The following ZNF385B variants were observed in gnomAD, a reference collection of about 807,000 sequenced individuals.
The protein encoded by ZNF385B is zinc finger protein 533.
In ZNF385B, 23 loss-of-function variants were observed where a neutral mutation model predicts 39.2. The ratio of observed to expected loss-of-function variants is 0.59; its 90% confidence interval spans 0.42 to 0.83. ZNF385B has a LOEUF of 0.83. ZNF385B is among the 40% of genes least tolerant of loss of function. The pLI, the probability that ZNF385B is intolerant of heterozygous loss-of-function variation, is 0.00. For missense variants in ZNF385B, 552 were observed against 598.9 expected, an observed-to-expected ratio of 0.92 and a Z score of 0.82; for synonymous variants, 205 against 222.6, an observed-to-expected ratio of 0.92 and a Z score of 0.70.
At chr2:179,584,597 G>A (rs1439548201) in intron 3 of ZNF385B, among the ~76,000 whole-genome samples, 3 of 152,132 alleles carry the variant, frequency 2.0e-5, no homozygotes, top group African/African-American at 7.2e-5. Flanking sequence ...GAGGACTAAA[G>A]GTGGCTTAGA....
At chr2:179,632,662 AC>A (rs1024578833) in intron 3 of ZNF385B, among the ~76,000 whole-genome samples, 25 of 152,190 alleles carry the variant, frequency 1.6e-4, no homozygotes, top group African/African-American at 5.5e-4. Context: ...AAGAGCAAAC[AC>A]ATTCAAAAGC....
chr2:179,758,027 C>A (rs989346134), intron 3 of ZNF385B, among the ~76,000 whole-genome samples: 1 of 152,196 alleles, frequency 6.6e-6, no homozygotes, highest in African/African-American at 2.4e-5. Flanking sequence ...GTTGGAAATG[C>A]AGAAATCACC....
At chr2:179,789,069 A>C (rs540656631) in intron 1 of ZNF385B, among the ~76,000 whole-genome samples, 2 of 152,268 alleles carry the variant, frequency 1.3e-5, no homozygotes, top group South Asian at 4.1e-4. Flanking sequence ...CACTGCCTCT[A>C]ATGTTACATT....
intron 4 of ZNF385B, among the ~76,000 whole-genome samples, chr2:179,523,968 A>C (rs1365094543): frequency 6.6e-6 from 1 of 151,586 alleles, no homozygotes; most frequent in Non-Finnish European, 1.5e-5. Flanking sequence ...TTAAATTTTT[A>C]TTTATTTATT....
intron 6 of ZNF385B, among the ~76,000 whole-genome samples, chr2:179,447,458 A>C (rs1200835105): frequency 1.3e-5 from 2 of 152,214 alleles, no homozygotes; most frequent in African/African-American, 4.8e-5. Flanking sequence ...ACATTTTGGC[A>C]GTTTGATCAT....
chr2:179,670,174 C>A (rs1279512294), intron 3 of ZNF385B, among the ~76,000 whole-genome samples: 1 of 151,904 alleles, frequency 6.6e-6, no homozygotes, highest in Non-Finnish European at 1.5e-5. Flanking sequence ...CGCCTGTAGT[C>A]CCAGCTACTC....
chr2:179,566,918 T>TC (rs1371239694), intron 3 of ZNF385B, among the ~76,000 whole-genome samples: 10 of 147,906 alleles, frequency 6.8e-5, no homozygotes, highest in Non-Finnish European at 1.1e-4. Context: ...TCTTTTCTTT[T>TC]TTTTTTTTTT....
chr2:179,520,593 C>T (rs1284088538), intron 4 of ZNF385B, among the ~76,000 whole-genome samples: 3 of 152,202 alleles, frequency 2.0e-5, no homozygotes, highest in Admixed American at 2.0e-4. Context: ...AGTTACCAGA[C>T]ATGGCGAATC....
intron 3 of ZNF385B, among the ~76,000 whole-genome samples, chr2:179,615,757 G>C (rs142656378): frequency 5.9e-5 from 9 of 152,244 alleles, no homozygotes; most frequent in African/African-American, 2.2e-4. Context: ...CCCAGACCTA[G>C]GGAATCAGAC....
intron 3 of ZNF385B, among the ~76,000 whole-genome samples, chr2:179,602,718 C>T (rs1251854697): frequency 6.6e-6 from 1 of 152,080 alleles, no homozygotes; most frequent in Admixed American, 6.6e-5. Flanking sequence ...AAATGAGAGT[C>T]TGGGAAACCA....
chr2:179,763,857 G>A (rs369157744), intron 3 of ZNF385B, among the ~76,000 whole-genome samples: 1 of 152,108 alleles, frequency 6.6e-6, no homozygotes. Flanking sequence ...TCCTTCAAAC[G>A]CATTAAGGTT....
rs551388998 is a variant in ZNF385B, at chr2:179,757,280, T to C, written c.298+12223A>G. Reference sequence around the variant, plus strand: ...GCAGCGGAGGCTGCAGAACAGTGAATACTGCTGAACAGCAAATGTTGCTGC... The same window carrying C: ...GCAGCGGAGGCTGCAGAACAGTGAACACTGCTGAACAGCAAATGTTGCTGC... On this transcript the variant is annotated intron_variant, in intron 3 of 9. Coordinates refer to ENST00000410066, the MANE Select transcript of ZNF385B (RefSeq NM_152520.6). Among the ~76,000 whole-genome samples, 3 of 152,346 alleles carry C rather than the reference T, an allele frequency of 2.0e-5. No individual in the cohort carries two copies. In the East Asian group the frequency reaches 5.8e-4, roughly 29 times the overall value.
At chr2:179,552,641 G>A (rs886711000) in intron 3 of ZNF385B, among the ~76,000 whole-genome samples, 6 of 148,584 alleles carry the variant, frequency 4.0e-5, no homozygotes, top group African/African-American at 5.1e-5. Flanking sequence ...TGCCATCACC[G>A]CATCTCCTCC....
chr2:179,644,744 T>C (rs1412095782), intron 3 of ZNF385B, among the ~76,000 whole-genome samples: 2 of 152,156 alleles, frequency 1.3e-5, no homozygotes, highest in African/African-American at 2.4e-5. Context: ...CCTGATCAAA[T>C]AAACATGCTC....
At chr2:179,566,904 C>CTT (rs1275837338) in intron 3 of ZNF385B, among the ~76,000 whole-genome samples, 1 of 146,814 alleles carries the variant, frequency 6.8e-6, no homozygotes, top group African/African-American at 2.5e-5. Context: ...TAATCTTTTT[C>CTT]TTTTCTTTTC....
intron 1 of ZNF385B, among the ~76,000 whole-genome samples, chr2:179,815,553 C>A (rs1001201998): frequency 2.0e-5 from 3 of 152,140 alleles, no homozygotes; most frequent in African/African-American, 7.2e-5. Flanking sequence ...GTTTCAGGAA[C>A]CAAATACAGT....
chr2:179,725,808 T>C (rs1700969302), intron 3 of ZNF385B, among the ~76,000 whole-genome samples: 1 of 150,862 alleles, frequency 6.6e-6, no homozygotes, highest in Non-Finnish European at 1.5e-5. Flanking sequence ...TTTAAATATA[T>C]GAACCTATAT....
At chr2:179,611,200 G>A (rs1558978853) in intron 3 of ZNF385B, among the ~76,000 whole-genome samples, 1 of 152,036 alleles carries the variant, frequency 6.6e-6, no homozygotes, top group Admixed American at 6.6e-5. Context: ...CTTTTATTGT[G>A]TTGAAGTATA....
intron 1 of ZNF385B, among the ~76,000 whole-genome samples, chr2:179,841,301 A>G (rs1464397114): frequency 6.6e-6 from 1 of 152,174 alleles, no homozygotes; most frequent in Admixed American, 6.5e-5. Flanking sequence ...GTTGACATTA[A>G]GTGGAGAGTT....
Sources: allele counts gnomAD v4.1 joint callset (sites outside exome capture counted in the v4.1 genomes callset), GRCh38; gene constraint gnomAD v4.1.1; transcripts MANE v1.5; gene names NCBI Gene and HGNC (gene_info 2026-07-23, HGNC 2026-07-21).